The following MACROD2 variants were observed in gnomAD, a reference collection of about 807,000 sequenced individuals.
The protein encoded by MACROD2 is ADP-ribose glycohydrolase MACROD2.
Under a neutral mutation model 70.4 loss-of-function variants are expected in MACROD2, and 36 were observed. That is an observed-to-expected ratio of 0.51 (90% CI 0.39 to 0.68). The LOEUF (loss-of-function observed/expected upper bound fraction) is 0.68, where lower values mean the gene tolerates loss of function less well. Ranked by LOEUF, MACROD2 falls within the 30% of genes least tolerant of loss-of-function variation. MACROD2 has a pLI of 0.00. For missense variants in MACROD2, 496 were observed against 538.4 expected, an observed-to-expected ratio of 0.92 and a Z score of 0.78; for synonymous variants, 172 against 178.8, an observed-to-expected ratio of 0.96 and a Z score of 0.30.
chr20:15,591,557 T>G (rs1187831352), intron 8 of MACROD2, among the ~76,000 whole-genome samples: 1 of 130,890 alleles, frequency 7.6e-6, no homozygotes, highest in Non-Finnish European at 1.5e-5. Flanking sequence ...ACTTACGGTT[T>G]AACTCCTAGT....
intron 3 of MACROD2, among the ~76,000 whole-genome samples, chr20:14,126,727 A>G (rs888350541): frequency 6.6e-6 from 1 of 152,146 alleles, no homozygotes; most frequent in South Asian, 2.1e-4. Context: ...CATTATTATT[A>G]TATCTGTTAC....
chr20:15,268,128 AAG>A (rs1416731408), intron 6 of MACROD2, among the ~76,000 whole-genome samples: 1 of 152,140 alleles, frequency 6.6e-6, no homozygotes, highest in Non-Finnish European at 1.5e-5. Context: ...GAGGAAGAGA[AAG>A]AGAGGAAGAA....
intron 5 of MACROD2, among the ~76,000 whole-genome samples, chr20:14,945,177 G>A (rs2074421182): frequency 6.6e-6 from 1 of 151,602 alleles, no homozygotes; most frequent in African/African-American, 2.4e-5. Context: ...AGTGCAGTGG[G>A]CCTGATCTTG....
At chr20:15,379,585 A>G (rs1302598110) in intron 6 of MACROD2, among the ~76,000 whole-genome samples, 1 of 151,830 alleles carries the variant, frequency 6.6e-6, no homozygotes, top group Non-Finnish European at 1.5e-5. Flanking sequence ...CATAACTCTC[A>G]CTTCTTTTCT....
intron 7 of MACROD2, among the ~76,000 whole-genome samples, chr20:15,444,643 A>G (rs757791606): frequency 1.3e-5 from 2 of 152,132 alleles, no homozygotes; most frequent in African/African-American, 2.4e-5. Flanking sequence ...GAGAGCATGT[A>G]TCAAAGTGGC....
intron 4 of MACROD2, among the ~76,000 whole-genome samples, chr20:14,619,885 A>G (rs1483825317): frequency 6.6e-6 from 1 of 152,166 alleles, no homozygotes; most frequent in East Asian, 1.9e-4. Flanking sequence ...CTTCATGCTT[A>G]TTCAGCCAAT....
chr20:15,256,450 T>G (rs1157002433), intron 6 of MACROD2, among the ~76,000 whole-genome samples: 5 of 152,036 alleles, frequency 3.3e-5, no homozygotes, highest in Non-Finnish European at 5.9e-5. Flanking sequence ...ATCAAGCAAG[T>G]TTAAAATATA....
intron 3 of MACROD2, among the ~76,000 whole-genome samples, chr20:14,215,456 T>C (rs1296905786): frequency 1.3e-5 from 2 of 151,970 alleles, no homozygotes; most frequent in African/African-American, 4.8e-5. Flanking sequence ...CGAATTGTGC[T>C]GCTATAAACA....
intron 8 of MACROD2, among the ~76,000 whole-genome samples, chr20:15,697,595 C>A (rs569520046): frequency 6.6e-6 from 1 of 152,252 alleles, no homozygotes; most frequent in African/African-American, 2.4e-5. Flanking sequence ...TAGTTTAAAT[C>A]CATTGCTTCT....
chr20:15,412,285 T>TA (rs982156072), intron 6 of MACROD2, among the ~76,000 whole-genome samples: 4 of 151,638 alleles, frequency 2.6e-5, no homozygotes, highest in Non-Finnish European at 4.4e-5. Context: ...TATGCATTAT[T>TA]AAAAAAAAGA....
intron 5 of MACROD2, among the ~76,000 whole-genome samples, chr20:15,127,293 G>T (rs1360561738): frequency 1.3e-5 from 2 of 151,830 alleles, no homozygotes; most frequent in Admixed American, 6.6e-5. Flanking sequence ...ATAACCTCAG[G>T]GTCAACCCAA....
chr20:14,777,636 G>A (rs1015023121), intron 5 of MACROD2, among the ~76,000 whole-genome samples: 3 of 151,968 alleles, frequency 2.0e-5, no homozygotes, highest in Non-Finnish European at 4.4e-5. Context: ...GGCTAGAGTG[G>A]CGCCAGAGAA....
rs912837708 is a variant in MACROD2 at position 15,487,589 on chromosome 20, A to G, written c.572-12185A>G. On this transcript the variant is annotated intron_variant, in intron 7 of 17. Transcript: ENST00000684519. ...AAACCATAGAATAGAAGTCTTGCCC[A>G]CTGGACCACCCTTTTTTAGGCAGAT... 1.3e-5 allele frequency among the ~76,000 whole-genome samples: 2 copies of G among 152,172 alleles called. 1 individual carries two copies. The highest frequency in any genetic ancestry group is 2.9e-5 in the Non-Finnish European group (2 of 68,036).
intron 5 of MACROD2, among the ~76,000 whole-genome samples, chr20:14,986,303 C>A (rs1780992313): frequency 6.6e-6 from 1 of 151,990 alleles, no homozygotes; most frequent in African/African-American, 2.4e-5. Flanking sequence ...TTCTTTATGA[C>A]CCCCATTAAA....
At chr20:15,678,591 C>T (rs1006574195) in intron 8 of MACROD2, among the ~76,000 whole-genome samples, 11 of 152,246 alleles carry the variant, frequency 7.2e-5, no homozygotes, top group South Asian at 2.1e-4. Flanking sequence ...AATCTCCTGA[C>T]CTCGTGATCC....
intron 5 of MACROD2, among the ~76,000 whole-genome samples, chr20:14,694,170 C>T (rs565432834): frequency 6.6e-6 from 1 of 152,248 alleles, no homozygotes; most frequent in Admixed American, 6.5e-5. Context: ...AAGGATAGTT[C>T]ATACATTTTT....
chr20:15,333,818 G>A (rs979658135), intron 6 of MACROD2, among the ~76,000 whole-genome samples: 4 of 151,570 alleles, frequency 2.6e-5, no homozygotes, highest in Non-Finnish European at 5.9e-5. Context: ...AGAAAAAAGG[G>A]AGCAACGAAT....
intron 8 of MACROD2, among the ~76,000 whole-genome samples, chr20:15,799,771 A>G (rs559746126): frequency 5.3e-5 from 8 of 152,276 alleles, no homozygotes; most frequent in African/African-American, 1.9e-4. Context: ...GCATCCCTTT[A>G]AAATATTTGA....
At chr20:14,863,532 T>C (rs2073395416) in intron 5 of MACROD2, among the ~76,000 whole-genome samples, 2 of 152,118 alleles carry the variant, frequency 1.3e-5, no homozygotes, top group African/African-American at 2.4e-5. Flanking sequence ...TCAAAGCATA[T>C]TGAACAGGAA....
Sources: gnomAD v4.1 joint callset for allele counts (sites outside exome capture counted in the v4.1 genomes callset) on GRCh38, gnomAD v4.1.1 for gene constraint, MANE v1.5 for transcripts, NCBI Gene and HGNC (gene_info 2026-07-23, HGNC 2026-07-21) for gene names.